The following ARK2C variants were observed in gnomAD, a reference collection of about 807,000 sequenced individuals.
The protein encoded by ARK2C is E3 ubiquitin-protein ligase ARK2C.
At chr18:46,415,552 A>G in the ARK2C span, among the ~76,000 whole-genome samples, 4 of 151,814 alleles carry the variant, frequency 2.6e-5, no homozygotes, top group African/African-American at 9.7e-5. Flanking sequence ...ATAAAAAAAT[A>G]AATAAAAATA....
At chr18:46,417,897 G>A in the ARK2C span, among the ~76,000 whole-genome samples, 477 of 151,962 alleles carry the variant, frequency 3.1e-3, 1 homozygote, top group African/African-American at 0.011. Context: ...CCAGCTACTC[G>A]GGAGGCTGAG....
At chr18:46,447,113 GCTGT>G in the ARK2C span, among the ~76,000 whole-genome samples, 1 of 152,186 alleles carries the variant, frequency 6.6e-6, no homozygotes, top group Admixed American at 6.5e-5. Context: ...GCCAGGATAA[GCTGT>G]CTGGCCTGTA....
the ARK2C span, among the ~76,000 whole-genome samples, chr18:46,378,687 A>C: frequency 2.6e-5 from 4 of 152,170 alleles, no homozygotes; most frequent in Admixed American, 2.6e-4. Flanking sequence ...GCATGAACCC[A>C]TAAATACACA....
the ARK2C span, among the ~76,000 whole-genome samples, chr18:46,385,304 G>T: frequency 6.6e-6 from 1 of 152,326 alleles, no homozygotes; most frequent in Admixed American, 6.5e-5. Flanking sequence ...GAAAGTGGTG[G>T]CTTGTGAGGA....
chr18:46,419,714 A>G, the ARK2C span, among the ~76,000 whole-genome samples: 1 of 152,210 alleles, frequency 6.6e-6, no homozygotes, highest in African/African-American at 2.4e-5. Context: ...AGGGGCAGCC[A>G]AGGGGCTGAT....
At chr18:46,453,507 G>A in the ARK2C span, among the ~76,000 whole-genome samples, 1 of 151,046 alleles carries the variant, frequency 6.6e-6, no homozygotes, top group African/African-American at 2.4e-5. Context: ...GTAAAAAGGA[G>A]AATAAAAAGA....
At chr18:46,402,380 C>A in the ARK2C span, among the ~76,000 whole-genome samples, 1 of 152,174 alleles carries the variant, frequency 6.6e-6, no homozygotes, top group Non-Finnish European at 1.5e-5. Flanking sequence ...TACAGGATGC[C>A]CAGTTACATT....
the ARK2C span, among the ~76,000 whole-genome samples, chr18:46,353,811 C>T: frequency 1.3e-3 from 193 of 152,314 alleles, no homozygotes; most frequent in Non-Finnish European, 2.4e-3. Context: ...CAGCCCATGT[C>T]AAGGACCCAG....
chr18:46,369,240 A>G, the ARK2C span, among the ~76,000 whole-genome samples: 150 of 152,268 alleles, frequency 9.9e-4, no homozygotes, highest in African/African-American at 3.5e-3. Context: ...CCAGGAGCCA[A>G]TTGAAGGGTG....
the ARK2C span, among the ~76,000 whole-genome samples, chr18:46,432,535 A>G: frequency 6.6e-6 from 1 of 152,202 alleles, no homozygotes; most frequent in Admixed American, 6.5e-5. Context: ...TCCATGTGGC[A>G]TCTTTAAAAA....
chr18:46,445,250 T>A, the ARK2C span, among the ~76,000 whole-genome samples: 4,101 of 152,242 alleles, frequency 0.027, 85 homozygotes, highest in Non-Finnish European at 0.041. Context: ...TGCTTTTAGG[T>A]CTTCTTCCAG....
chr18:46,432,113 A>G, the ARK2C span, among the ~76,000 whole-genome samples: 560 of 152,246 alleles, frequency 3.7e-3, 26 homozygotes, highest in East Asian at 0.099. Context: ...TTTAGCAGCA[A>G]GTTTTCTGTA....
the ARK2C span, chr18:46,456,462 TC>T: frequency 6.4e-5 from 82 of 1,275,902 alleles, no homozygotes; most frequent in Non-Finnish European, 9.2e-5. Context: ...GTGTCCCTGC[TC>T]CGCTCAGTGT....
chr18:46,434,384 T>A, the ARK2C span, among the ~76,000 whole-genome samples: 2 of 152,220 alleles, frequency 1.3e-5, no homozygotes, highest in Non-Finnish European at 2.9e-5. Context: ...TATATTTTTA[T>A]GAAAAATAAC....
At chr18:46,421,365 A>ATCATTCAT in the ARK2C span, among the ~76,000 whole-genome samples, 1,531 of 151,698 alleles carry the variant, frequency 0.01, 16 homozygotes, top group Non-Finnish European at 0.014. Context: ...CCTGTTCGTG[A>ATCATTCAT]TCATTCATTC....
chr18:46,335,045 C>T, the ARK2C span: 19 of 145,916 alleles, frequency 1.3e-4, no homozygotes, highest in South Asian at 4.4e-4. Flanking sequence ...TGCTTGGGCG[C>T]GTGTGTGTGT....
chr18:46,454,462 A>G, the ARK2C span, among the ~76,000 whole-genome samples: 3 of 152,180 alleles, frequency 2.0e-5, no homozygotes, highest in African/African-American at 7.2e-5. Context: ...GATTTTCTGG[A>G]TTCTGGATAA....
the ARK2C span, among the ~76,000 whole-genome samples, chr18:46,392,935 G>C: frequency 6.6e-6 from 1 of 152,046 alleles, no homozygotes; most frequent in African/African-American, 2.4e-5. Context: ...AGAAACCCAA[G>C]AAACACCATG....
the ARK2C span, among the ~76,000 whole-genome samples, chr18:46,351,703 TAGAC>T: frequency 6.6e-6 from 1 of 152,178 alleles, no homozygotes; most frequent in African/African-American, 2.4e-5. Flanking sequence ...AAAGATAACT[TAGAC>T]AGTTCTCAGT....
Sources: allele counts gnomAD v4.1 joint callset (sites outside exome capture counted in the v4.1 genomes callset), GRCh38; gene constraint gnomAD v4.1.1; transcripts MANE v1.5; gene names NCBI Gene and HGNC (gene_info 2026-07-23, HGNC 2026-07-21).